MUC5B: variants seen among roughly 807,000 people sequenced by gnomAD.
MUC5B encodes mucin 5B, oligomeric mucus/gel-forming, also known as mucin-5B.
In MUC5B, 116 loss-of-function variants were observed where a neutral mutation model predicts 376.9. That is an observed-to-expected ratio of 0.31 (90% CI 0.26 to 0.36). The LOEUF is 0.36. Ranked by LOEUF, MUC5B falls within the 10% of genes least tolerant of loss-of-function variation. The pLI, the probability that MUC5B is intolerant of heterozygous loss-of-function variation, is 1.00. For missense variants in MUC5B, 7,165 were observed against 7,769.9 expected, an observed-to-expected ratio of 0.92 and a Z score of 2.93; for synonymous variants, 3,517 against 3,390.9, an observed-to-expected ratio of 1.04 and a Z score of -1.29.
At chr11:1,231,588 C>T (rs1045328176) in intron 14 of MUC5B, 28 bp downstream of exon 14, 4 of 1,548,898 alleles carry the variant, frequency 2.6e-6, no homozygotes, top group African/African-American at 2.7e-5. Context: ...CCTTCGGGGA[C>T]AGGGCCATTG....
Position 1,246,555 on chromosome 11 carries a change from G to T in MUC5B, c.9675G>T (p.Leu3225=), listed in dbSNP as rs1268440082. 6.2e-7 allele frequency: 1 copy of T among 1,613,106 alleles called. No homozygotes were observed. The highest frequency in any genetic ancestry group is 2.2e-5 in the East Asian group (1 of 44,830). The change falls in exon 31 of 49, where the codon CTG becomes CTT. Residue 3225 remains leucine, a synonymous_variant. Transcript: ENST00000529681. The part of the protein sequence containing the change: ...SPGTATALPA[L]RSTATTPTAT... ...GGACTGCAACCGCCCTTCCAGCACT[G>T]AGAAGCACAGCCACCACACCCACAG... is the stretch of plus-strand genomic sequence containing the variant.
Position 1,256,139 on chromosome 11 carries a change from C to T in MUC5B, c.16067-17C>T, listed in dbSNP as rs367952139. 6 of 724,022 alleles carry T rather than the reference C, an allele frequency of 8.3e-6. No homozygotes were observed. In the South Asian group the frequency reaches 8.8e-5, roughly 11 times the overall value. 44.8% of individuals were successfully genotyped at this position (724,022 alleles called of 1,614,324 possible). On this transcript the variant is annotated splice_polypyrimidine_tract_variant and intron_variant, in intron 37 of 48. Coordinates refer to ENST00000529681, the MANE Select transcript of MUC5B (RefSeq NM_002458.3). Reference sequence around the variant, plus strand: ...CCCCAACCCCTTGGCTTGTCTGACACCTCTCTGTGCCCACAGACCTCACCT... The same window carrying T: ...CCCCAACCCCTTGGCTTGTCTGACATCTCTCTGTGCCCACAGACCTCACCT...
intron 31 of MUC5B, 90 bp downstream of exon 31, chr11:1,251,833 C>A: frequency 1.1e-6 from 1 of 951,124 alleles, no homozygotes; most frequent in South Asian, 1.6e-5. Flanking sequence ...TGGCTTTCTC[C>A]CTGCTGGTCA....
At chr11:1,233,348 C>T (rs1862078213) in intron 18 of MUC5B, 80 bp downstream of exon 18, 7 of 1,407,880 alleles carry the variant, frequency 5.0e-6, no homozygotes, top group South Asian at 1.5e-5. Flanking sequence ...TTCTGTGCCT[C>T]CCCCCGAGGG....
rs61910740 is a variant in MUC5B at position 1,242,027 on chromosome 11, C to G, written c.5147C>G (p.Thr1716Arg). ...LGTWRPSQPP[T>R]LAPTTMATSR... ...ACATGGCGCCCCTCACAGCCACCCA[C>G]GCTGGCCCCAACAACAATGGCAACC... The change falls in exon 31 of 49, where the codon ACG becomes AGG. Residue 1716 changes from threonine (T) to arginine (R), a missense_variant. Physicochemically the swap from Thr to Arg is moderately conservative, Grantham distance 71 (BLOSUM62 -1). Coordinates refer to ENST00000529681, the MANE Select transcript of MUC5B (RefSeq NM_002458.3). 6.3e-7 allele frequency: 1 copy of G among 1,587,076 alleles called. No individual in the cohort carries two copies. Among genetic ancestry groups the G allele is most frequent in the Non-Finnish European group, 8.6e-7 (1 of 1,167,700 alleles).
In MUC5B at chr11:1,233,858, ACCCC is replaced by A; in HGVS notation, c.2377+11_2377+14del. 6.4e-7 allele frequency: 1 copy of A among 1,565,820 alleles called. No individual in the cohort carries two copies. Among genetic ancestry groups the A allele is most frequent in the Non-Finnish European group, 8.6e-7 (1 of 1,159,078 alleles). On this transcript the variant is annotated intron_variant, in intron 19 of 48. Transcript: ENST00000529681. ...CTGCAGAAAAGCACAGGTAAGTGCC[ACCCC>A]TGCCCTGCCCTGCCCTGCCCCGCCC...
Position 1,225,755 on chromosome 11 carries a change from G to A in MUC5B, c.127+18G>A, listed in dbSNP as rs753485280. On this transcript the variant is annotated intron_variant, in intron 2 of 48. Coordinates refer to ENST00000529681, the MANE Select transcript of MUC5B (RefSeq NM_002458.3). ...GGATGGCGGTATGTGGCCAGGTTCG[G>A]GGGTGGGGGGTTCCTGACCAGGCTG... The A allele has an allele frequency of 6.3e-7, 1 of 1,599,614 alleles. No homozygotes were observed. Among genetic ancestry groups the A allele is most frequent in the Non-Finnish European group, 8.5e-7 (1 of 1,173,810 alleles).
chr11:1,233,864 GCCCTGC>G lies in MUC5B; in HGVS notation c.2377+19_2377+24del. 2.0e-6 allele frequency: 1 copy of G among 495,880 alleles called. No individual in the cohort carries two copies. The highest frequency in any genetic ancestry group is 2.7e-6 in the Non-Finnish European group (1 of 370,590). 30.7% of individuals were successfully genotyped at this position (495,880 alleles called of 1,614,324 possible). A position where few individuals can be genotyped will look rare whatever the true frequency, so the allele number is the denominator to read the frequency against. On this transcript the variant is annotated intron_variant, in intron 19 of 48. Transcript: ENST00000529681. ...AAAAGCACAGGTAAGTGCCACCCCT[GCCCTGC>G]CCTGCCCTGCCCCGCCCCGCATCAC...
At position 1,247,937 on chromosome 11, in the gene MUC5B, C is replaced by A. The variant is rs1295839951; in HGVS notation, c.11057C>A (p.Thr3686Asn). The change falls in exon 31 of 49, where the codon ACT (threonine) becomes AAT (asparagine). Residue 3686 changes from threonine (T) to asparagine (N), a missense_variant. Thr to Asn is a moderately conservative substitution (Grantham distance 65, BLOSUM62 0). Transcript: ENST00000529681. ...AGCTCTACGGCCACGCCCTCCTCAA[C>A]TCCGGGGACGACCTGGATCCTCACA... ...ATSSTATPSS[T>N]PGTTWILTKL... 4 of 1,611,372 alleles carry A rather than the reference C, an allele frequency of 2.5e-6. No homozygotes were observed. Among genetic ancestry groups the A allele is most frequent in the Non-Finnish European group, 3.4e-6 (4 of 1,178,338 alleles).
rs1269281663 is a variant in MUC5B at position 1,246,767 on chromosome 11, C to A, written c.9887C>A (p.Pro3296His). The A allele has an allele frequency of 1.2e-6, 2 of 1,610,648 alleles. No individual in the cohort carries two copies. Among genetic ancestry groups the A allele is most frequent in the East Asian group, 2.2e-5 (1 of 44,832 alleles). The change falls in exon 31 of 49, where the codon CCC (proline) becomes CAC (histidine). Residue 3296 changes from proline (P) to histidine (H), a missense_variant. Coordinates refer to ENST00000529681, the MANE Select transcript of MUC5B (RefSeq NM_002458.3). ...AGGGCCACCGGCTCTGTGGCCACCC[C>A]CTCCTCCACCCCAGGAACAGCTCAC... ...TTRATGSVAT[P>H]SSTPGTAHTT...
intron 6 of MUC5B, 36 bp from the exon 7 acceptor site, chr11:1,227,639 C>G (rs949214607): frequency 1.4e-6 from 1 of 713,398 alleles, no homozygotes; most frequent in South Asian, 1.5e-5. Flanking sequence ...CCAGGAGCCC[C>G]TCAGAGCCAC....
intron 14 of MUC5B, 21 bp from the exon 15 acceptor site, chr11:1,231,975 T>A: frequency 6.2e-7 from 1 of 1,611,854 alleles, no homozygotes; most frequent in South Asian, 1.1e-5. Context: ...GCCGCTGACA[T>A]CCCCCAACCC....
Position 1,234,059 on chromosome 11 carries a change from C to T in MUC5B, c.2378-146C>T, listed in dbSNP as rs1357992182. 1.2e-6 allele frequency: 1 copy of T among 816,056 alleles called. No individual in the cohort carries two copies. Among genetic ancestry groups the T allele is most frequent in the Non-Finnish European group, 2.0e-6 (1 of 499,118 alleles). 50.6% of individuals were successfully genotyped at this position (816,056 alleles called of 1,614,324 possible). On this transcript the variant is annotated intron_variant, in intron 19 of 48. Transcript: ENST00000529681. The surrounding 1 kb of genome is among the most constrained non-coding windows in gnomAD (Gnocchi z 6.3). The stretch of plus-strand genomic sequence containing the variant: ...TGCCCCGCAGTGTGGCCGGGGTGTC[C>T]TGGGGTTGGGGGCTGCAGGTGTCAT...
In MUC5B at chr11:1,253,905, A is replaced by G. The variant is rs117573628; in HGVS notation, c.15218-187A>G. 0.025 allele frequency among the ~76,000 whole-genome samples: 3,800 copies of G among 152,304 alleles called. 61 individuals are homozygous for G. The highest frequency in any genetic ancestry group is 0.033 in the Non-Finnish European group (2,225 of 68,016). On this transcript the variant is annotated intron_variant, in intron 33 of 48. Transcript: ENST00000529681. This position sits in a 1 kb window ranked among gnomAD's most constrained non-coding sequence, Gnocchi z 4.3. ...AAGCCACATGCGGAGGTTCTGGGAT[A>G]GCCATAGATTTTGGGGGACCCCATT...
rs1390537132 is a variant in MUC5B at position 1,244,079 on chromosome 11, T to C, written c.7199T>C (p.Phe2400Ser). Residue 2400 changes from phenylalanine (F) to serine (S), a missense_variant, in exon 31 of 49, where the codon TTC becomes TCC. Around this residue, in one of 31 missense-constraint regions of MUC5B, gnomAD observed 194 missense variants for 268.5 expected, o/e 0.72. Coordinates refer to ENST00000529681, the MANE Select transcript of MUC5B (RefSeq NM_002458.3). Reference protein sequence around the residue: ...REQVGKFKMCFNYEIRVFCCN... With the variant: ...REQVGKFKMCSNYEIRVFCCN... ...CAGGTGGGGAAGTTCAAGATGTGCTTCAACTATGAAATCCGTGTGTTCTGC... is the reference window on the plus strand; with the variant it reads ...CAGGTGGGGAAGTTCAAGATGTGCTCCAACTATGAAATCCGTGTGTTCTGC... 1 of 1,492,770 alleles carries C rather than the reference T, an allele frequency of 6.7e-7. No homozygotes were observed. The highest frequency in any genetic ancestry group is 1.4e-5 in the African/African-American group (1 of 73,378). The allele number at this position is 1,492,770 out of a possible 1,614,324, so 92.5% of individuals were successfully genotyped here. A position where few individuals can be genotyped will look rare whatever the true frequency, so the allele number is the denominator to read the frequency against.
At chr11:1,233,923 C>T in intron 19 of MUC5B, 75 bp downstream of exon 19, 1 of 1,400,804 alleles carries the variant, frequency 7.1e-7, no homozygotes. Flanking sequence ...CAACACGCCC[C>T]ACCCTGCCCC....
chr11:1,251,927 T>G (rs1862712015), intron 31 of MUC5B, among the ~76,000 whole-genome samples, 184 bp downstream of exon 31: 1 of 151,966 alleles, frequency 6.6e-6, no homozygotes, highest in Admixed American at 6.5e-5. Flanking sequence ...CTGGCCACAA[T>G]CCGTCCGCAC....
In MUC5B at chr11:1,241,376, G is replaced by T. The variant is rs769396563; in HGVS notation, c.4496G>T (p.Gly1499Val). 4.3e-6 allele frequency: 7 copies of T among 1,613,360 alleles called. No individual in the cohort carries two copies. The South Asian group carries it at 6.6e-5, about 15-fold the overall frequency. ...GTGACGGTCACCCCCTCGGCCCCAG[G>T]TACCACCACCTGCCAGCCCCGGTGT... ...GPVTVTPSAP[G>V]TTTCQPRCQW... The change falls in exon 31 of 49, where the codon GGT (glycine) becomes GTT (valine). Residue 1499 changes from glycine (G) to valine (V), a missense_variant. By Grantham distance (109) the Gly-to-Val change is moderately radical. This residue lies in a region of MUC5B where 517 missense variants were observed against 545.3 expected (regional missense o/e 0.95). Transcript: ENST00000529681.
Position 1,233,052 on chromosome 11 carries a change from C to T in MUC5B, c.2105C>T (p.Ala702Val), listed in dbSNP as rs556212579. Reference sequence around the variant, plus strand: ...AACTGCCCCAAGTCCCAGCGCTACGCCTACGTGGTGGATGCCTGCCAGCCC... The same window carrying T: ...AACTGCCCCAAGTCCCAGCGCTACGTCTACGTGGTGGATGCCTGCCAGCCC... ...MQNCPKSQRY[A>V]YVVDACQPTC... The change falls in exon 18 of 49, where the codon GCC becomes GTC. Residue 702 changes from alanine (A) to valine (V), a missense_variant. Physicochemically the swap from Ala to Val is moderately conservative, Grantham distance 64. Coordinates refer to ENST00000529681, the MANE Select transcript of MUC5B (RefSeq NM_002458.3). 1.2e-6 allele frequency: 2 copies of T among 1,604,134 alleles called. No individual in the cohort carries two copies. The highest frequency in any genetic ancestry group is 2.7e-5 in the African/African-American group (2 of 74,994).
Sources: allele counts gnomAD v4.1 joint callset (sites outside exome capture counted in the v4.1 genomes callset), GRCh38; gene constraint gnomAD v4.1.1; regional missense constraint gnomAD v4.1.1; non-coding constraint Gnocchi (gnomAD v3.1); transcripts MANE v1.5; gene names NCBI Gene and HGNC (gene_info 2026-07-23, HGNC 2026-07-21).